The following DLC1 variants were observed in gnomAD, a reference collection of about 807,000 sequenced individuals.
The protein encoded by DLC1 is DLC1 Rho GTPase activating protein, also known as rho GTPase-activating protein 7.
In DLC1, 54 loss-of-function variants were observed where a neutral mutation model predicts 140.3. The ratio of observed to expected loss-of-function variants is 0.38; its 90% CI spans 0.31 to 0.48. DLC1 has a LOEUF of 0.48. DLC1 is among the 20% of genes least tolerant of loss of function. The pLI is 0.96. For missense variants in DLC1, 2,536 were observed against 1,907.0 expected, an observed-to-expected ratio of 1.33 and a Z score of -6.14; for synonymous variants, 986 against 728.1, an observed-to-expected ratio of 1.35 and a Z score of -5.70.
At chr8:13,357,827 T>C (rs1321524428) in intron 4 of DLC1, among the ~76,000 whole-genome samples, 1 of 152,320 alleles carries the variant, frequency 6.6e-6, no homozygotes, top group Admixed American at 6.5e-5. Context: ...TATCCAGAAT[T>C]ACTAACATAT....
intron 1 of DLC1, among the ~76,000 whole-genome samples, chr8:13,531,314 G>A (rs897342834): frequency 3.3e-5 from 5 of 152,136 alleles, no homozygotes; most frequent in Non-Finnish European, 7.3e-5. Flanking sequence ...TCCCAGGCAC[G>A]GTGGCTCATG....
chr8:13,554,148 C>T (rs1359442116), intron 1 of DLC1, among the ~76,000 whole-genome samples: 1 of 152,100 alleles, frequency 6.6e-6, no homozygotes, highest in Non-Finnish European at 1.5e-5. Context: ...CTCACTGCAA[C>T]CTCTGCCTCC....
chr8:13,539,325 A>C (rs1803406035), intron 1 of DLC1, among the ~76,000 whole-genome samples: 1 of 151,876 alleles, frequency 6.6e-6, no homozygotes, highest in Admixed American at 6.6e-5. Flanking sequence ...TTAGCCTCCT[A>C]AGTAACTGGG....
chr8:13,387,538 G>C lies in DLC1; in HGVS notation c.1314+6015C>G, dbSNP rs556287757. ...CTCTCACTAATATATCACAAGCACAGTGACTTTAGTTTAATGATCATATGT... is the reference window on the plus strand; with the variant it reads ...CTCTCACTAATATATCACAAGCACACTGACTTTAGTTTAATGATCATATGT... On this transcript the variant is annotated intron_variant, in intron 4 of 17. Transcript: ENST00000276297. Among the ~76,000 whole-genome samples the C allele has an allele frequency of 2.2e-4, 33 of 151,830 alleles. No individual in the cohort carries two copies. In the South Asian group the frequency reaches 6.9e-3, roughly 32 times the overall value.
chr8:13,275,304 A>G (rs1831115122), intron 5 of DLC1, among the ~76,000 whole-genome samples: 1 of 152,250 alleles, frequency 6.6e-6, no homozygotes, highest in African/African-American at 2.4e-5. Flanking sequence ...GAAAATCAAA[A>G]GACCTTTTAT....
intron 5 of DLC1, among the ~76,000 whole-genome samples, chr8:13,125,659 A>C (rs1054446219): frequency 2.0e-5 from 3 of 152,044 alleles, no homozygotes; most frequent in Non-Finnish European, 2.9e-5. Context: ...CAGTGCCCTC[A>C]CTTGTAAATC....
chr8:13,286,729 G>GAAAAAAAAAAAA (rs988288934), intron 5 of DLC1, among the ~76,000 whole-genome samples: 9 of 100,962 alleles, frequency 8.9e-5, no homozygotes, highest in African/African-American at 1.1e-4. Context: ...AAAAAAAATA[G>GAAAAAAAAAAAA]AAAAAAAAAA....
At chr8:13,335,160 GAGAC>G (rs1022801125) in intron 4 of DLC1, among the ~76,000 whole-genome samples, 1 of 152,130 alleles carries the variant, frequency 6.6e-6, no homozygotes, top group African/African-American at 2.4e-5. Flanking sequence ...AAAGAGAAAA[GAGAC>G]AGGAAGAAAG....
rs547353728 is a variant in DLC1 at position 13,302,786 on chromosome 8, G to A, written c.1348+2483C>T. On this transcript the variant is annotated intron_variant, in intron 5 of 17. Coordinates refer to ENST00000276297, the MANE Select transcript of DLC1 (RefSeq NM_182643.3). ...CCTATTTAAGAGCTCAATTAACCCC[G>A]AGAAGATTGAGTGGGTCTCCTGCCT... is the stretch of plus-strand genomic sequence containing the variant. Among the ~76,000 whole-genome samples, 5 of 150,934 alleles carry A rather than the reference G, an allele frequency of 3.3e-5. No individual in the cohort carries two copies. In the East Asian group the frequency reaches 5.8e-4, roughly 18 times the overall value.
At chr8:13,526,663 A>G (rs573504768) in intron 1 of DLC1, among the ~76,000 whole-genome samples, 5 of 152,212 alleles carry the variant, frequency 3.3e-5, no homozygotes, top group Non-Finnish European at 5.9e-5. Context: ...TGAGCAAACT[A>G]TCGCAAGGAC....
chr8:13,173,615 C>T lies in DLC1; in HGVS notation c.1349-57958G>A, dbSNP rs551333072. On this transcript the variant is annotated intron_variant, in intron 5 of 17. Transcript: ENST00000276297. The stretch of plus-strand genomic sequence containing the variant: ...TCGATCTCCTGACCTCATAATCCGC[C>T]CACCTTGGCCTTCCAAAGTGCTGAG... Among the ~76,000 whole-genome samples the T allele has an allele frequency of 3.3e-3, 500 of 152,294 alleles. 4 individuals carry two copies. Among genetic ancestry groups the T allele is most frequent in the African/African-American group, 0.011 (475 of 41,578 alleles).
At chr8:13,445,529 C>A (rs947598576) in intron 2 of DLC1, among the ~76,000 whole-genome samples, 4 of 152,182 alleles carry the variant, frequency 2.6e-5, no homozygotes, top group African/African-American at 9.7e-5. Context: ...AGGTAAGGAA[C>A]CACCAATGAT....
intron 1 of DLC1, among the ~76,000 whole-genome samples, chr8:13,506,581 G>GTGTGTGTATATATATATATATATA (rs1246764417): frequency 5.9e-4 from 77 of 131,052 alleles, no homozygotes; most frequent in African/African-American, 2.3e-3. Flanking sequence ...GTGTGTGTGT[G>GTGTGTGTATATATATATATATATA]TATATATATA....
chr8:13,285,164 G>T (rs1333919244), intron 5 of DLC1, among the ~76,000 whole-genome samples: 2 of 152,164 alleles, frequency 1.3e-5, no homozygotes, highest in Non-Finnish European at 1.5e-5. Flanking sequence ...AGACAGGGTG[G>T]TATTGATTTA....
At chr8:13,201,968 A>G (rs1203521831) in intron 5 of DLC1, among the ~76,000 whole-genome samples, 21 of 131,094 alleles carry the variant, frequency 1.6e-4, no homozygotes, top group Admixed American at 1.4e-3. Flanking sequence ...TTGTTTTGAG[A>G]CAGAGTCTTG....
chr8:13,524,615 A>G (rs933479233), intron 1 of DLC1, among the ~76,000 whole-genome samples: 6 of 152,104 alleles, frequency 3.9e-5, no homozygotes, highest in African/African-American at 1.4e-4. Flanking sequence ...AACATGATAC[A>G]TCTGGGTGCA....
intron 2 of DLC1, among the ~76,000 whole-genome samples, chr8:13,407,212 T>C (rs980105857): frequency 3.9e-5 from 6 of 152,302 alleles, no homozygotes; most frequent in Non-Finnish European, 5.9e-5. Context: ...GCTATTTAGT[T>C]CCTGGGCAGT....
At chr8:13,439,702 C>A (rs1283981747) in intron 2 of DLC1, among the ~76,000 whole-genome samples, 1 of 152,092 alleles carries the variant, frequency 6.6e-6, no homozygotes, top group Non-Finnish European at 1.5e-5. Flanking sequence ...CAAAGGACCA[C>A]AACTAGTTGG....
chr8:13,277,234 C>T (rs562136739), intron 5 of DLC1, among the ~76,000 whole-genome samples: 1 of 152,134 alleles, frequency 6.6e-6, no homozygotes, highest in Non-Finnish European at 1.5e-5. Flanking sequence ...ATCGCTTGAG[C>T]CCAGGAGTTC....
Sources: allele counts gnomAD v4.1 joint callset (sites outside exome capture counted in the v4.1 genomes callset), GRCh38; gene constraint gnomAD v4.1.1; transcripts MANE v1.5; gene names NCBI Gene and HGNC (gene_info 2026-07-23, HGNC 2026-07-21).